The following KIF14 variants were observed in gnomAD, a reference collection of about 807,000 sequenced individuals.
KIF14 encodes kinesin family member 14.
In KIF14, 98 loss-of-function variants were observed where a neutral mutation model predicts 176.2. The observed-to-expected ratio is 0.56, with a 90% CI of 0.47 to 0.66. The LOEUF (loss-of-function observed/expected upper bound fraction) is 0.66, where lower values mean the gene tolerates loss of function less well. Among genes scored for constraint, KIF14 ranks in the 30% least tolerant of loss-of-function variants. KIF14 has a pLI of 0.00. For synonymous variants in KIF14, 566 were observed against 632.2 expected, an observed-to-expected ratio of 0.90 and a Z score of 1.57; for missense variants, 1,751 against 1,920.4, an observed-to-expected ratio of 0.91 and a Z score of 1.65.
intron 23 of KIF14, among the ~76,000 whole-genome samples, chr1:200,567,942 G>A (rs1657560636): frequency 6.6e-6 from 1 of 151,900 alleles, no homozygotes; most frequent in South Asian, 2.1e-4. Flanking sequence ...TCATCGAGAA[G>A]AGTTAACTAT....
chr1:200,560,590 A>G, intron 26 of KIF14, 132 bp downstream of exon 26: 1 of 1,003,078 alleles, frequency 1.0e-6, no homozygotes, highest in Non-Finnish European at 1.5e-6. Context: ...TTTAAATCTT[A>G]TTGCAAAACT....
At chr1:200,570,327 A>C (rs1354937509) in intron 22 of KIF14, among the ~76,000 whole-genome samples, 1 of 152,230 alleles carries the variant, frequency 6.6e-6, no homozygotes, top group East Asian at 1.9e-4. Context: ...AATTAGGCAA[A>C]TAATTACAGT....
At position 200,591,576 on chromosome 1, in the gene KIF14, C is replaced by T. The variant is rs535009302; in HGVS notation, c.2813+504G>A. Among the ~76,000 whole-genome samples, 19 of 152,284 alleles carry T rather than the reference C, an allele frequency of 1.2e-4. No individual in the cohort carries two copies. The South Asian group carries it at 2.1e-3, about 17-fold the overall frequency. On this transcript the variant is annotated intron_variant, in intron 16 of 29. Transcript: ENST00000367350. ...GATACTACTTATGCCAGAAATCCTA[C>T]GATACTGCATGAACTAAAACTGGGG...
rs1657686531 is a variant in KIF14, at chr1:200,569,962, G to C, written c.3610C>G (p.His1204Asp). The C allele has an allele frequency of 6.2e-7, 1 of 1,605,076 alleles. No homozygotes were observed. Among genetic ancestry groups the C allele is most frequent in the Non-Finnish European group, 8.5e-7 (1 of 1,174,122 alleles). The change falls in exon 23 of 30, where the codon CAT (histidine) becomes GAT (aspartate). Residue 1204 changes from histidine to aspartate, a missense_variant. Physicochemically the swap from His to Asp is moderately conservative, Grantham distance 81 (BLOSUM62 -1). Coordinates refer to ENST00000367350, the MANE Select transcript of KIF14 (RefSeq NM_014875.3). ...TTAATTGGATGGACTTGTATGTCAT[G>C]TAAACAACCAGAAATTCTTCTGTTC... The part of the protein sequence containing the change: ...MKNRRISGCL[H>D]DIQVHPIKNL...
Position 200,603,933 on chromosome 1 carries a change from T to C in KIF14, c.1769A>G (p.Glu590Gly). The C allele has an allele frequency of 6.2e-7, 1 of 1,612,736 alleles. No individual in the cohort carries two copies. Among genetic ancestry groups the C allele is most frequent in the South Asian group, 1.1e-5 (1 of 91,056 alleles). Residue 590 changes from glutamate to glycine, a missense_variant, in exon 9 of 30, where the codon GAA becomes GGA. Coordinates refer to ENST00000367350, the MANE Select transcript of KIF14 (RefSeq NM_014875.3). ...TCGACTTGTTATTCTGTGATCGTGTTCTTCCCCTTCCACAAATTCTGTCTA... is the reference window on the plus strand; with the variant it reads ...TCGACTTGTTATTCTGTGATCGTGTCCTTCCCCTTCCACAAATTCTGTCTA... ...QTKTEFVEGE[E>G]HDHRITSRIN...
In KIF14 at chr1:200,552,371, C is replaced by G. The variant is rs1177167352; in HGVS notation, c.*1017G>C. On this transcript the variant is annotated 3_prime_UTR_variant, in exon 30 of 30. Transcript: ENST00000367350. ...TTTTAAAGCTGTGGAAAATAAGGGT[C>G]TTTAATCTTCATCAAATCATATACA... is the stretch of plus-strand genomic sequence containing the variant. 5 of 151,792 alleles carry G rather than the reference C, an allele frequency of 3.3e-5. No homozygotes were observed. The highest frequency in any genetic ancestry group is 7.4e-5 in the Non-Finnish European group (5 of 67,954). The allele number at this position is 151,792 out of a possible 1,614,324, so 9.4% of individuals were successfully genotyped here.
intron 11 of KIF14, among the ~76,000 whole-genome samples, chr1:200,601,589 A>G (rs1659628648): frequency 6.6e-6 from 1 of 152,208 alleles, no homozygotes; most frequent in South Asian, 2.1e-4. Context: ...GAAAAATAGT[A>G]AATAGTTTTA....
intron 11 of KIF14, among the ~76,000 whole-genome samples, chr1:200,601,661 C>T (rs754281488): frequency 7.2e-5 from 11 of 152,120 alleles, no homozygotes; most frequent in East Asian, 1.9e-4. Flanking sequence ...TTACTGTTTC[C>T]CCCTTACTCA....
chr1:200,613,026 T>A (rs1660235660), intron 4 of KIF14, among the ~76,000 whole-genome samples: 1 of 151,918 alleles, frequency 6.6e-6, no homozygotes, highest in Non-Finnish European at 1.5e-5. Context: ...TAGATGGGAT[T>A]ACAGGCATGT....
At chr1:200,579,377 C>T (rs777079007) in intron 21 of KIF14, among the ~76,000 whole-genome samples, 12 of 151,946 alleles carry the variant, frequency 7.9e-5, no homozygotes, top group Non-Finnish European at 1.8e-4. Context: ...GAAGCCAAGG[C>T]GGGTGGATCA....
rs1203847762 is a variant in KIF14 at position 200,552,620 on chromosome 1, A to G, written c.*768T>C. The G allele has an allele frequency of 6.6e-6, 1 of 152,098 alleles. No homozygotes were observed. Among genetic ancestry groups the G allele is most frequent in the Admixed American group, 6.5e-5 (1 of 15,274 alleles). The allele number at this position is 152,098 out of a possible 1,614,324, so 9.4% of individuals were successfully genotyped here. A position where few individuals can be genotyped will look rare whatever the true frequency, so the allele number is the denominator to read the frequency against. On this transcript the variant is annotated 3_prime_UTR_variant, in exon 30 of 30. Transcript: ENST00000367350. ...TTATACTATATTTAGGTAGCTACTT[A>G]TAATTTGGAAAGAAACAGGAAGCTA... is the stretch of plus-strand genomic sequence containing the variant.
intron 4 of KIF14, among the ~76,000 whole-genome samples, chr1:200,609,318 T>C (rs1660040217): frequency 6.6e-6 from 1 of 152,020 alleles, no homozygotes; most frequent in Non-Finnish European, 1.5e-5. Flanking sequence ...GTGCGGCCAA[T>C]GTGGAAAATA....
At chr1:200,589,424 C>G in intron 17 of KIF14, 55 bp from the exon 18 acceptor site, 1 of 1,438,486 alleles carries the variant, frequency 7.0e-7, no homozygotes, top group South Asian at 1.3e-5. Flanking sequence ...CAAAAAAGTA[C>G]AAAAGTCCCT....
chr1:200,598,516 T>C (rs1659475356), intron 13 of KIF14, 95 bp from the exon 14 acceptor site: 2 of 756,804 alleles, frequency 2.6e-6, no homozygotes, highest in East Asian at 3.0e-5. Flanking sequence ...ATTAAAACAA[T>C]TCTATATGAA....
At chr1:200,565,332 T>A in intron 24 of KIF14, 79 bp from the exon 25 acceptor site, 4 of 1,442,014 alleles carry the variant, frequency 2.8e-6, no homozygotes. Context: ...ATTAAAACAT[T>A]TAACACAGTT....
intron 12 of KIF14, 102 bp downstream of exon 12, chr1:200,600,254 T>TA: frequency 1.5e-6 from 2 of 1,323,258 alleles, no homozygotes; most frequent in Non-Finnish European, 2.2e-6. Context: ...GCTCTATTCA[T>TA]AAGGAAGGTC....
intron 18 of KIF14, among the ~76,000 whole-genome samples, chr1:200,587,108 T>C (rs147222940): frequency 1.3e-5 from 2 of 151,990 alleles, no homozygotes; most frequent in East Asian, 3.9e-4. Context: ...CCTCAGATCA[T>C]CAGATATTAG....
chr1:200,560,729 C>G lies in KIF14; in HGVS notation c.4223G>C (p.Ser1408Thr), dbSNP rs1373573909. The G allele has an allele frequency of 6.2e-7, 1 of 1,614,218 alleles. No individual in the cohort carries two copies. Among genetic ancestry groups the G allele is most frequent in the Non-Finnish European group, 8.5e-7 (1 of 1,180,036 alleles). ...FLENGNNKAA[S>T]VQEEFMDAVC... ...CTAACATTGCTAAATTACCTGGACA[C>G]TGGCAGCTTTATTGTTACCGTTTTC... Residue 1408 changes from serine to threonine, a missense_variant, in exon 26 of 30, where the codon AGT becomes ACT. Coordinates refer to ENST00000367350, the MANE Select transcript of KIF14 (RefSeq NM_014875.3).
intron 1 of KIF14, among the ~76,000 whole-genome samples, chr1:200,619,568 G>A (rs970462613): frequency 6.6e-6 from 1 of 152,116 alleles, no homozygotes; most frequent in Non-Finnish European, 1.5e-5. Context: ...GGCCAGGATG[G>A]TCTCGATATC....
Sources: gnomAD v4.1 joint callset for allele counts (sites outside exome capture counted in the v4.1 genomes callset) on GRCh38, gnomAD v4.1.1 for gene constraint, MANE v1.5 for transcripts, NCBI Gene and HGNC (gene_info 2026-07-23, HGNC 2026-07-21) for gene names.